The following ACTR3C variants were observed in gnomAD, a reference collection of about 807,000 sequenced individuals.
ACTR3C encodes actin related protein 3C, also known as actin-related protein 3C.
Under a neutral mutation model 26.3 loss-of-function variants are expected in ACTR3C, and 18 were observed. The observed-to-expected ratio is 0.68, with a 90% CI of 0.47 to 1.01. ACTR3C has a LOEUF of 1.01. ACTR3C is among the 50% of genes least tolerant of loss of function. The probability of loss-of-function intolerance (pLI) is 0.00; values close to 1 mark genes in which losing one functional copy is unlikely to be tolerated. For missense variants in ACTR3C, 184 were observed against 250.7 expected (o/e 0.73, Z 1.80); for synonymous variants, 55 against 94.5 (o/e 0.58, Z 2.42).
chr7:150,224,536 T>G, the ACTR3C span, among the ~76,000 whole-genome samples: 4 of 152,324 alleles, frequency 2.6e-5, no homozygotes, highest in East Asian at 1.9e-4. Flanking sequence ...AGATAACAGA[T>G]GTAGGCACAC....
chr7:150,080,831 T>A, the ACTR3C span, among the ~76,000 whole-genome samples: 1 of 152,198 alleles, frequency 6.6e-6, no homozygotes, highest in South Asian at 2.1e-4. Context: ...CTGTTATGGT[T>A]ACTGGCCATG....
chr7:150,078,613 T>C, the ACTR3C span, among the ~76,000 whole-genome samples: 2 of 151,704 alleles, frequency 1.3e-5, no homozygotes, highest in African/African-American at 2.4e-5. Context: ...GGGAGTTGAA[T>C]TCTCCTCCCC....
At chr7:149,965,961 C>T in the ACTR3C span, among the ~76,000 whole-genome samples, 311 of 151,486 alleles carry the variant, frequency 2.1e-3, no homozygotes, top group African/African-American at 7.3e-3. Flanking sequence ...GGCTTCTGAA[C>T]CGGCCACTGA....
At chr7:149,946,475 G>A in the ACTR3C span, among the ~76,000 whole-genome samples, 4 of 152,118 alleles carry the variant, frequency 2.6e-5, no homozygotes, top group East Asian at 1.9e-4. Context: ...ACGTCTCCAC[G>A]GAGCCCTGGT....
At chr7:150,167,584 C>A in the ACTR3C span, among the ~76,000 whole-genome samples, 1 of 150,792 alleles carries the variant, frequency 6.6e-6, no homozygotes, top group Non-Finnish European at 1.5e-5. Flanking sequence ...TTTTGCAGAA[C>A]TAAGCTTGCT....
At chr7:150,031,373 AG>A in the ACTR3C span, among the ~76,000 whole-genome samples, 1 of 152,194 alleles carries the variant, frequency 6.6e-6, no homozygotes, top group African/African-American at 2.4e-5. Flanking sequence ...GGTCTCCAAC[AG>A]GAAAAATTAC....
chr7:150,026,124 T>C, the ACTR3C span, among the ~76,000 whole-genome samples: 114 of 152,126 alleles, frequency 7.5e-4, 2 homozygotes, highest in Non-Finnish European at 6.2e-4. Flanking sequence ...CCCTTTCTCC[T>C]TTTTCCAGCA....
At chr7:150,039,157 G>A in the ACTR3C span, among the ~76,000 whole-genome samples, 1 of 150,952 alleles carries the variant, frequency 6.6e-6, no homozygotes, top group Non-Finnish European at 1.5e-5. Context: ...GCCGGTGGGG[G>A]AAGAGGGTCT....
the ACTR3C span, among the ~76,000 whole-genome samples, chr7:149,889,790 G>A: frequency 5.6e-4 from 85 of 152,282 alleles, no homozygotes; most frequent in South Asian, 0.011. Flanking sequence ...TCCAGAGTCC[G>A]AGGCTGCAGT....
the ACTR3C span, among the ~76,000 whole-genome samples, chr7:150,088,127 T>C: frequency 6.6e-6 from 1 of 152,246 alleles, no homozygotes; most frequent in Admixed American, 6.5e-5. Flanking sequence ...TCCCATTCTA[T>C]GAATTGTCTT....
the ACTR3C span, among the ~76,000 whole-genome samples, chr7:150,024,707 T>C: frequency 0.94 from 107,987 of 114,288 alleles, 51,402 homozygotes; most frequent in East Asian, 1. Context: ...AGCCTATTGA[T>C]GTCCTGTAAT....
the ACTR3C span, among the ~76,000 whole-genome samples, chr7:150,183,176 TATCTTATA>T: frequency 1.3e-5 from 2 of 150,710 alleles, no homozygotes; most frequent in East Asian, 3.8e-4. Context: ...CTAATTGTAT[TATCTTATA>T]TTCTTTTAAA....
At chr7:149,999,379 G>C in the ACTR3C span, among the ~76,000 whole-genome samples, 148 of 150,896 alleles carry the variant, frequency 9.8e-4, 2 homozygotes, top group Non-Finnish European at 1.6e-3. Context: ...TCAATCAGAC[G>C]GGTCCTGCCC....
the ACTR3C span, among the ~76,000 whole-genome samples, chr7:150,197,768 T>C: frequency 6.6e-6 from 1 of 152,190 alleles, no homozygotes; most frequent in Admixed American, 6.5e-5. Context: ...CCTATGTTAG[T>C]AAATCACACC....
the ACTR3C span, among the ~76,000 whole-genome samples, chr7:150,141,881 G>A: frequency 6.6e-6 from 1 of 151,924 alleles, no homozygotes; most frequent in East Asian, 1.9e-4. Flanking sequence ...GGCCCTGAAG[G>A]AACAGAAGGC....
At chr7:150,199,724 T>TTAAAAA in the ACTR3C span, among the ~76,000 whole-genome samples, 1 of 19,134 alleles carries the variant, frequency 5.2e-5, no homozygotes, top group Non-Finnish European at 1.1e-4. Context: ...AATATTTTTA[T>TTAAAAA]CAAAAAAAAA....
chr7:150,076,655 T>G, the ACTR3C span: 4 of 152,154 alleles, frequency 2.6e-5, no homozygotes, highest in Non-Finnish European at 5.9e-5. Context: ...AATCACAACT[T>G]CAAAGGTCAT....
chr7:150,015,270 T>C, the ACTR3C span, among the ~76,000 whole-genome samples: 7 of 151,896 alleles, frequency 4.6e-5, no homozygotes, highest in Admixed American at 2.6e-4. Flanking sequence ...TCTAAGAGGG[T>C]TGAAGTCCTC....
At chr7:150,006,717 G>A in the ACTR3C span, among the ~76,000 whole-genome samples, 1 of 151,856 alleles carries the variant, frequency 6.6e-6, no homozygotes. Context: ...AGCCTCTGCA[G>A]GCGCCTCTAT....
Sources: gnomAD v4.1 joint callset for allele counts (sites outside exome capture counted in the v4.1 genomes callset) on GRCh38, gnomAD v4.1.1 for gene constraint, MANE v1.5 for transcripts, NCBI Gene and HGNC (gene_info 2026-07-23, HGNC 2026-07-21) for gene names.